Variants in ME2 observed in about 807,000 individuals in gnomAD.
ME2 encodes malic enzyme 2.
Under a neutral mutation model 73.7 loss-of-function variants are expected in ME2, and 60 were observed. The observed-to-expected ratio is 0.81, with a 90% confidence interval of 0.66 to 1.01. The LOEUF (loss-of-function observed/expected upper bound fraction) is 1.01, where lower values mean the gene tolerates loss of function less well. Among genes scored for constraint, ME2 ranks in the 50% least tolerant of loss-of-function variants. The pLI is 0.00. For missense variants in ME2, 594 were observed against 705.5 expected (o/e 0.84, Z 1.79); for synonymous variants, 199 against 236.9 (o/e 0.84, Z 1.47).
chr18:50,937,849 A>G (rs915304707), intron 13 of ME2, among the ~76,000 whole-genome samples: 3 of 152,184 alleles, frequency 2.0e-5, no homozygotes, highest in African/African-American at 7.2e-5. Flanking sequence ...GAAAATATAA[A>G]TGTCAGGGAA....
rs1292156296 is a variant in ME2 at position 50,952,986 on chromosome 18, C to G, written c.*5802C>G. Reference sequence around the variant, plus strand: ...AAGGTCTTATGATGTGTGGCAGAGCCTGGGTTTTTAGCTCAAACCCCTCTC... The same window carrying G: ...AAGGTCTTATGATGTGTGGCAGAGCGTGGGTTTTTAGCTCAAACCCCTCTC... On this transcript the variant is annotated 3_prime_UTR_variant, in exon 16 of 16. Transcript: ENST00000321341. 1 of 152,090 alleles carries G rather than the reference C, an allele frequency of 6.6e-6. No individual in the cohort carries two copies. The highest frequency in any genetic ancestry group is 2.4e-5 in the African/African-American group (1 of 41,380). 9.4% of individuals were successfully genotyped at this position (152,090 alleles called of 1,614,324 possible). A position where few individuals can be genotyped will look rare whatever the true frequency, so the allele number is the denominator to read the frequency against.
intron 1 of ME2, among the ~76,000 whole-genome samples, chr18:50,894,410 G>GA (rs1447449597): frequency 6.7e-6 from 1 of 149,126 alleles, no homozygotes; most frequent in Non-Finnish European, 1.5e-5. Context: ...CAAAAATACA[G>GA]AAAAAAAATT....
rs1918269099 is a variant in ME2, at chr18:50,953,705, A to G, written c.*6521A>G. 1 of 152,206 alleles carries G rather than the reference A, an allele frequency of 6.6e-6. No individual in the cohort carries two copies. The highest frequency in any genetic ancestry group is 1.5e-5 in the Non-Finnish European group (1 of 68,044). The allele number at this position is 152,206 out of a possible 1,614,324, so 9.4% of individuals were successfully genotyped here. On this transcript the variant is annotated 3_prime_UTR_variant, in exon 16 of 16. Coordinates refer to ENST00000321341, the MANE Select transcript of ME2 (RefSeq NM_002396.5). ...ACCTGTCAATTTGCAATTCAATTAT[A>G]AGGTATATTTTAAGTGATATCTATG...
chr18:50,886,475 C>G (rs939380623), intron 1 of ME2, among the ~76,000 whole-genome samples: 3 of 152,052 alleles, frequency 2.0e-5, no homozygotes, highest in African/African-American at 7.2e-5. Flanking sequence ...AACTCCTGAC[C>G]TCAAGTGATC....
intron 2 of ME2, among the ~76,000 whole-genome samples, chr18:50,906,822 T>C (rs1293083743): frequency 6.6e-6 from 1 of 152,188 alleles, no homozygotes; most frequent in Middle Eastern, 3.2e-3. Flanking sequence ...AAGCCTTCAC[T>C]TCCTTCTTGC....
At chr18:50,934,103 A>G (rs545850384) in intron 13 of ME2, 12 of 152,236 alleles carry the variant, frequency 7.9e-5, no homozygotes, top group African/African-American at 2.6e-4. Flanking sequence ...GATTAATTCT[A>G]TGTCTTTACT....
Position 50,908,121 on chromosome 18 carries a change from C to G in ME2, c.167C>G (p.Pro56Arg), listed in dbSNP as rs1168261495. ...CTTGGTCTTCAAGGACTTCTACCTC[C>G]CAAAATAGAGACACAAGATATTCAA... is the stretch of plus-strand genomic sequence containing the variant. Reference protein sequence around the residue: ...QMLGLQGLLPPKIETQDIQAL... With the variant: ...QMLGLQGLLPRKIETQDIQAL... The change falls in exon 3 of 16, where the codon CCC becomes CGC. Residue 56 changes from proline (P) to arginine (R), a missense_variant. Pro to Arg is a moderately radical substitution (Grantham distance 103, BLOSUM62 -2). Transcript: ENST00000321341. 4 of 1,605,052 alleles carry G rather than the reference C, an allele frequency of 2.5e-6. No homozygotes were observed. In the African/African-American group the frequency reaches 4.0e-5, roughly 16 times the overall value.
intron 4 of ME2, among the ~76,000 whole-genome samples, chr18:50,914,708 A>G (rs998583709): frequency 5.3e-5 from 8 of 152,170 alleles, no homozygotes; most frequent in African/African-American, 1.9e-4. Flanking sequence ...GCTGAACTAA[A>G]CTGATTTGAA....
chr18:50,929,821 A>T (rs1304305426), intron 12 of ME2, among the ~76,000 whole-genome samples: 1 of 152,210 alleles, frequency 6.6e-6, no homozygotes, highest in Non-Finnish European at 1.5e-5. Flanking sequence ...ACTCTTGGGT[A>T]AATATATTAA....
At chr18:50,917,563 A>G in intron 6 of ME2, 55 bp downstream of exon 6, 1 of 1,246,282 alleles carries the variant, frequency 8.0e-7, no homozygotes, top group East Asian at 2.6e-5. Flanking sequence ...TAAAATGTGT[A>G]CAATATTCCT....
intron 2 of ME2, 77 bp downstream of exon 2, chr18:50,896,005 A>G: frequency 1.7e-5 from 17 of 1,025,318 alleles, no homozygotes; most frequent in Non-Finnish European, 2.5e-5. Flanking sequence ...ATAAGGTGTG[A>G]CATATTTTTG....
Position 50,912,954 on chromosome 18 carries a change from A to G in ME2, c.392+4A>G. The stretch of plus-strand genomic sequence containing the variant: ...GACACATCTTTAGAAGACCTAAGTA[A>G]GGCTTGTTTAAAAAAAAGCTTGTAA... On this transcript the variant is annotated splice_donor_region_variant and intron_variant, in intron 4 of 15. Coordinates refer to ENST00000321341, the MANE Select transcript of ME2 (RefSeq NM_002396.5). 6.3e-7 allele frequency: 1 copy of G among 1,578,790 alleles called. No homozygotes were observed. The highest frequency in any genetic ancestry group is 8.6e-7 in the Non-Finnish European group (1 of 1,169,296).
In ME2 at chr18:50,924,154, G is replaced by A. The variant is rs146408708; in HGVS notation, c.1113G>A (p.Glu371=). 1.2e-6 allele frequency: 2 copies of A among 1,613,576 alleles called. No individual in the cohort carries two copies. The highest frequency in any genetic ancestry group is 1.7e-6 in the Non-Finnish European group (2 of 1,179,736). The change falls in exon 11 of 16, where the codon GAG becomes GAA. Residue 371 remains glutamate (E), a synonymous_variant. Coordinates refer to ENST00000321341, the MANE Select transcript of ME2 (RefSeq NM_002396.5). Reference sequence around the variant, plus strand: ...AACCATTTACTCACTCAGCCCCAGAGAGCATACCTGATACTTTTGAAGATG... The same window carrying A: ...AACCATTTACTCACTCAGCCCCAGAAAGCATACCTGATACTTTTGAAGATG... ...YQEPFTHSAP[E]SIPDTFEDAV... is the part of the protein sequence containing the mutation.
chr18:50,917,201 G>C (rs888443392), intron 5 of ME2, 146 bp from the exon 6 acceptor site: 5 of 591,208 alleles, frequency 8.5e-6, no homozygotes, highest in Non-Finnish European at 1.4e-5. Context: ...ATGCTTTGTT[G>C]GTTTACATTG....
chr18:50,916,491 A>G (rs1229094486), intron 5 of ME2: 4 of 337,804 alleles, frequency 1.2e-5, no homozygotes, highest in Non-Finnish European at 2.1e-5. Flanking sequence ...TATCAGCACC[A>G]CTGGTGTCTC....
intron 14 of ME2, chr18:50,939,878 G>A: frequency 2.1e-6 from 1 of 471,930 alleles, no homozygotes; most frequent in Non-Finnish European, 3.8e-6. Context: ...CTTGCAATTT[G>A]TATATCTGAA....
At chr18:50,925,711 T>C (rs757807558) in intron 11 of ME2, 45 bp from the exon 12 acceptor site, 1 of 1,572,412 alleles carries the variant, frequency 6.4e-7, no homozygotes, top group South Asian at 1.1e-5. Context: ...GCATTGCTTT[T>C]ATACCTATAA....
intron 14 of ME2, chr18:50,939,897 G>A (rs1917907278): frequency 2.2e-6 from 1 of 447,752 alleles, no homozygotes; most frequent in African/African-American, 2.0e-5. Context: ...AATATATTGT[G>A]ACAGCATAGA....
chr18:50,900,430 G>A (rs1026920327), intron 2 of ME2, among the ~76,000 whole-genome samples: 1 of 151,726 alleles, frequency 6.6e-6, no homozygotes, highest in East Asian at 1.9e-4. Flanking sequence ...TAGTAGCTGG[G>A]AGTACAGGCG....
Sources: allele counts gnomAD v4.1 joint callset (sites outside exome capture counted in the v4.1 genomes callset), GRCh38; gene constraint gnomAD v4.1.1; transcripts MANE v1.5; gene names NCBI Gene and HGNC (gene_info 2026-07-23, HGNC 2026-07-21).